Variants in HPS3 observed in about 807,000 individuals in gnomAD.
HPS3 encodes the protein BLOC-2 complex member HPS3.
HPS3 carries 79 observed loss-of-function variants against 110.9 expected under a neutral mutation model. The ratio of observed to expected loss-of-function variants is 0.71; its 90% CI spans 0.59 to 0.86. The LOEUF is 0.86. HPS3 is among the 40% of genes least tolerant of loss of function. The pLI is 0.00. For synonymous variants in HPS3, 428 were observed against 451.0 expected, an observed-to-expected ratio of 0.95 and a Z score of 0.65; for missense variants, 1,197 against 1,206.2, an observed-to-expected ratio of 0.99 and a Z score of 0.11.
At chr3:149,147,458 G>T (rs1722844798) in intron 5 of HPS3, among the ~76,000 whole-genome samples, 1 of 152,148 alleles carries the variant, frequency 6.6e-6, no homozygotes, top group Non-Finnish European at 1.5e-5. Context: ...GGATGCAGAA[G>T]AATCTAGGAA....
At chr3:149,149,367 CCT>C (rs752395498) in intron 5 of HPS3, among the ~76,000 whole-genome samples, 1 of 151,908 alleles carries the variant, frequency 6.6e-6, no homozygotes, top group Non-Finnish European at 1.5e-5. Flanking sequence ...TTTTTGCTTC[CCT>C]CTCTCTCAGT....
chr3:149,159,422 G>A (rs73019012), intron 10 of HPS3, among the ~76,000 whole-genome samples: 20,071 of 152,028 alleles, frequency 0.13, 1,625 homozygotes, highest in African/African-American at 0.23. Flanking sequence ...AATTAGCTAG[G>A]CTTGGTGGCA....
chr3:149,153,453 A>G, intron 6 of HPS3, 41 bp from the exon 7 acceptor site: 2 of 1,549,780 alleles, frequency 1.3e-6, no homozygotes, highest in Non-Finnish European at 1.8e-6. Context: ...AAGTGCATGT[A>G]CCTTTATTTC....
intron 1 of HPS3, among the ~76,000 whole-genome samples, chr3:149,136,065 G>A (rs1368071823): frequency 6.6e-6 from 1 of 151,960 alleles, no homozygotes; most frequent in Non-Finnish European, 1.5e-5. Flanking sequence ...GTAACTCTAA[G>A]CTCAAGAGTA....
intron 2 of HPS3, 61 bp downstream of exon 2, chr3:149,140,559 C>T: frequency 1.3e-6 from 2 of 1,559,548 alleles, no homozygotes; most frequent in Non-Finnish European, 8.8e-7. Context: ...TCACCTTTGG[C>T]AGTCTGAAGG....
chr3:149,163,676 T>C (rs1208336666), intron 13 of HPS3, among the ~76,000 whole-genome samples, 166 bp from the exon 14 acceptor site: 2 of 152,168 alleles, frequency 1.3e-5, no homozygotes, highest in Non-Finnish European at 2.9e-5. Context: ...GACTGAAATA[T>C]TTTCCAGGGG....
At position 149,145,503 on chromosome 3, in the gene HPS3, C is replaced by A. The variant is rs1722737993; in HGVS notation, c.1120C>A (p.Gln374Lys). 1 of 1,614,128 alleles carries A rather than the reference C, an allele frequency of 6.2e-7. No homozygotes were observed. Among genetic ancestry groups the A allele is most frequent in the Admixed American group, 1.7e-5 (1 of 60,022 alleles). The change falls in exon 5 of 17, where the codon CAG (glutamine) becomes AAG (lysine). Residue 374 changes from glutamine (Q) to lysine (K), a missense_variant. Gln to Lys is a moderately conservative substitution (Grantham distance 53). Transcript: ENST00000296051. ...MSVYQYPEKS[Q>K]QAVLTPQFLH... The stretch of plus-strand genomic sequence containing the variant: ...AGTCTACCAGTATCCTGAAAAGTCT[C>A]AGCAGGCAGTACTCACGCCACAATT...
intron 5 of HPS3, among the ~76,000 whole-genome samples, chr3:149,148,399 CTTT>C (rs66720211): frequency 0.023 from 2,278 of 100,220 alleles, 31 homozygotes; most frequent in African/African-American, 0.065. Context: ...CATATCAAGA[CTTT>C]TTTTTTTTTT....
rs1364433723 is a variant in HPS3, at chr3:149,173,571, A to G, written c.*1349A>G. 9 of 586,218 alleles carry G rather than the reference A, an allele frequency of 1.5e-5. No individual in the cohort carries two copies. The highest frequency in any genetic ancestry group is 2.4e-5 in the Non-Finnish European group (8 of 331,208). 36.3% of individuals were successfully genotyped at this position (586,218 alleles called of 1,614,324 possible). On this transcript the variant is annotated 3_prime_UTR_variant, in exon 17 of 17. Transcript: ENST00000296051. Reference sequence around the variant, plus strand: ...TGCAAAAAATTAATAGTTTTCCCCCACAAATGTACAAAGTTGTATGCTTCC... The same window carrying G: ...TGCAAAAAATTAATAGTTTTCCCCCGCAAATGTACAAAGTTGTATGCTTCC...
At chr3:149,155,348 T>C (rs1723383949) in intron 8 of HPS3, 133 bp downstream of exon 8, 1 of 677,810 alleles carries the variant, frequency 1.5e-6, no homozygotes, top group African/African-American at 1.8e-5. Flanking sequence ...GACAGTGGAA[T>C]GTATATCTCT....
chr3:149,159,070 A>G (rs982893565), intron 10 of HPS3, among the ~76,000 whole-genome samples: 12 of 152,290 alleles, frequency 7.9e-5, no homozygotes, highest in African/African-American at 2.9e-4. Flanking sequence ...ACAGACAGGG[A>G]CATGTGGTCT....
intron 10 of HPS3, 111 bp downstream of exon 10, chr3:149,158,957 A>G (rs1240665802): frequency 9.3e-6 from 7 of 749,098 alleles, no homozygotes; most frequent in Non-Finnish European, 1.3e-5. Flanking sequence ...CTTCTTTGAT[A>G]CTCTTTTTCT....
rs139992195 is a variant in HPS3, at chr3:149,168,356, A to T, written c.2887+373A>T. On this transcript the variant is annotated intron_variant, in intron 16 of 16. Coordinates refer to ENST00000296051, the MANE Select transcript of HPS3 (RefSeq NM_032383.5). ...AAGATCATTACTATTAAACATAATT[A>T]TAAGCAAGTATTGATGAATAACAAC... 3.1e-3 allele frequency: 667 copies of T among 213,218 alleles called. 3 individuals are homozygous for T. Among genetic ancestry groups the T allele is most frequent in the Middle Eastern group, 6.3e-3 (3 of 474 alleles). The allele number at this position is 213,218 out of a possible 1,614,324, so 13.2% of individuals were successfully genotyped here. A position where few individuals can be genotyped will look rare whatever the true frequency, so the allele number is the denominator to read the frequency against.
At position 149,140,578 on chromosome 3, in the gene HPS3, A is replaced by G. The variant is rs1722382351; in HGVS notation, c.712+80A>G. ...CTTTGGCAGTCTGAAGGTCTGTGGTATATATGGTGCCCGGCCATGTTATTT... is the reference window on the plus strand; with the variant it reads ...CTTTGGCAGTCTGAAGGTCTGTGGTGTATATGGTGCCCGGCCATGTTATTT... On this transcript the variant is annotated intron_variant, in intron 2 of 16. Transcript: ENST00000296051. 2.1e-6 allele frequency: 3 copies of G among 1,444,254 alleles called. No individual in the cohort carries two copies. The Admixed American group carries it at 5.5e-5, about 26-fold the overall frequency. The allele number at this position is 1,444,254 out of a possible 1,614,324, so 89.5% of individuals were successfully genotyped here.
chr3:149,159,833 C>T (rs922906357), intron 10 of HPS3, among the ~76,000 whole-genome samples: 3 of 152,080 alleles, frequency 2.0e-5, no homozygotes, highest in African/African-American at 4.8e-5. Flanking sequence ...GCTTTTTCTT[C>T]CTTATAATCA....
chr3:149,163,028 T>A, intron 13 of HPS3, 150 bp downstream of exon 13: 1 of 719,246 alleles, frequency 1.4e-6, no homozygotes, highest in Admixed American at 2.4e-5. Context: ...CACTTAAAAT[T>A]TGTCTTTAAC....
intron 9 of HPS3, among the ~76,000 whole-genome samples, chr3:149,158,025 C>T (rs1444988798): frequency 6.6e-6 from 1 of 151,642 alleles, no homozygotes; most frequent in Admixed American, 6.6e-5. Flanking sequence ...CAGCTCTAAT[C>T]ATTAGAGAGG....
chr3:149,160,064 G>A lies in HPS3; in HGVS notation c.1891G>A (p.Val631Ile). 2 of 1,613,722 alleles carry A rather than the reference G, an allele frequency of 1.2e-6. No homozygotes were observed. The highest frequency in any genetic ancestry group is 1.7e-6 in the Non-Finnish European group (2 of 1,179,718). ...ELNEELAAKV[V>I]QMFYVAEPKQ... Reference sequence around the variant, plus strand: ...ACCAAAGGAATTAGCAGCAAAAGTGGTTCAGATGTTTTATGTGGCTGAGCC... The same window carrying A: ...ACCAAAGGAATTAGCAGCAAAAGTGATTCAGATGTTTTATGTGGCTGAGCC... The change falls in exon 11 of 17, where the codon GTT (valine) becomes ATT (isoleucine). Residue 631 changes from valine (V) to isoleucine (I), a missense_variant. Transcript: ENST00000296051.
Position 149,129,830 on chromosome 3 carries a change from C to T in HPS3, c.107C>T (p.Ala36Val). 6.2e-7 allele frequency: 1 copy of T among 1,604,994 alleles called. No homozygotes were observed. ...GGGGGGCGTGACGCGCTTTTCGTGG[C>T]GGCGGGCTGCAAGGTGGAGGCGTTC... The part of the protein sequence containing the change: ...CGGGRDALFV[A>V]AGCKVEAFAV... The change falls in exon 1 of 17, where the codon GCG becomes GTG. Residue 36 changes from alanine (A) to valine (V), a missense_variant. Ala to Val is a moderately conservative substitution (Grantham distance 64). Transcript: ENST00000296051.
Sources: allele counts gnomAD v4.1 joint callset (sites outside exome capture counted in the v4.1 genomes callset), GRCh38; gene constraint gnomAD v4.1.1; transcripts MANE v1.5; gene names NCBI Gene and HGNC (gene_info 2026-07-23, HGNC 2026-07-21).